CA6: variants seen among roughly 807,000 people sequenced by gnomAD.
The protein encoded by CA6 is carbonic anhydrase 6.
Under a neutral mutation model 35.9 loss-of-function variants are expected in CA6, and 28 were observed. That is an observed-to-expected ratio of 0.78 (90% CI 0.58 to 1.07). CA6 has a LOEUF of 1.07. Ranked by LOEUF, CA6 falls within the 50% of genes least tolerant of loss-of-function variation. The pLI is 0.00. For synonymous variants in CA6, 148 were observed against 152.6 expected, an observed-to-expected ratio of 0.97 and a Z score of 0.22; for missense variants, 377 against 382.0, an observed-to-expected ratio of 0.99 and a Z score of 0.11.
intron 7 of CA6, among the ~76,000 whole-genome samples, chr1:8,972,898 C>A (rs1640146002): frequency 6.6e-6 from 1 of 152,114 alleles, no homozygotes; most frequent in African/African-American, 2.4e-5. Flanking sequence ...TTACAGTAAT[C>A]ATTTCCCCAT....
Position 8,963,183 on chromosome 1 carries a change from C to A in CA6, c.571+527C>A, listed in dbSNP as rs1639887735. 6.6e-6 allele frequency among the ~76,000 whole-genome samples: 1 copy of A among 152,190 alleles called. No individual in the cohort carries two copies. The highest frequency in any genetic ancestry group is 1.5e-5 in the Non-Finnish European group (1 of 68,044). On this transcript the variant is annotated intron_variant, in intron 5 of 7. Coordinates refer to ENST00000377443, the MANE Select transcript of CA6 (RefSeq NM_001215.4). The surrounding 1 kb of genome is among the most constrained non-coding windows in gnomAD (Gnocchi z 4.1). ...CAATAGCTCTGCATCCTCGACTTCA[C>A]ACGTCCCATTCCGGCCACACCTCCC...
intron 2 of CA6, chr1:8,951,628 G>A (rs1016953673): frequency 1.3e-6 from 1 of 765,100 alleles, no homozygotes; most frequent in Non-Finnish European, 2.4e-6. Flanking sequence ...TGGAAGAGAA[G>A]AGCCCAGCTT....
Position 8,962,657 on chromosome 1 carries a change from G to T in CA6, c.571+1G>T. ...CATCTGGCCAACATCAAGTACCCAG[G>T]TAAGGGAAGCCAACTGTGGCTGCAG... On this transcript the variant is annotated splice_donor_variant, in intron 5 of 7. Transcript: ENST00000377443. LOFTEE classifies it high-confidence loss of function. 5.6e-6 allele frequency: 9 copies of T among 1,613,198 alleles called. No individual in the cohort carries two copies. Among genetic ancestry groups the T allele is most frequent in the Non-Finnish European group, 7.6e-6 (9 of 1,179,166 alleles).
intron 5 of CA6, among the ~76,000 whole-genome samples, chr1:8,964,319 C>T (rs1639917071): frequency 6.6e-6 from 1 of 152,184 alleles, no homozygotes; most frequent in Non-Finnish European, 1.5e-5. Flanking sequence ...ATGATCTCAG[C>T]TCACTACAAC....
chr1:8,973,747 T>TCTTC (rs1640178295), intron 7 of CA6, among the ~76,000 whole-genome samples: 1 of 20,156 alleles, frequency 5.0e-5, no homozygotes, highest in Non-Finnish European at 7.6e-5. Context: ...TTTCTTTCTT[T>TCTTC]CTTTCTTTCT....
chr1:8,973,758 T>TTC lies in CA6; in HGVS notation c.845-862_845-861dup, dbSNP rs1284070111. 1.7e-3 allele frequency among the ~76,000 whole-genome samples: 37 copies of TTC among 21,662 alleles called. 1 individual carries two copies. Among genetic ancestry groups the TTC allele is most frequent in the African/African-American group, 0.014 (34 of 2,442 alleles). 14.2% of individuals were successfully genotyped at this position (21,662 alleles called of 152,430 possible). ...TTTCTTTCTTTCTTTCTTTCTTTCTTTCTTTCTTTCTTTCTTTCTTTCTTT... is the reference window on the plus strand; with the variant it reads ...TTTCTTTCTTTCTTTCTTTCTTTCTTTCTCTTTCTTTCTTTCTTTCTTTCTTT... On this transcript the variant is annotated intron_variant, in intron 7 of 7. Transcript: ENST00000377443.
At chr1:8,958,888 C>G (rs760640519) in intron 3 of CA6, 22 bp from the exon 4 acceptor site, 1 of 1,338,666 alleles carries the variant, frequency 7.5e-7, no homozygotes, top group Non-Finnish European at 1.1e-6. Flanking sequence ...TGCCCTTGAC[C>G]CACTCTACCT....
chr1:8,962,100 G>C (rs1018107705), intron 4 of CA6, among the ~76,000 whole-genome samples: 1 of 152,060 alleles, frequency 6.6e-6, no homozygotes, highest in Non-Finnish European at 1.5e-5. Flanking sequence ...AAATTAGCCA[G>C]GTGTGGTGGT....
chr1:8,973,742 TTCTTTC>T, intron 7 of CA6, among the ~76,000 whole-genome samples: 1 of 19,606 alleles, frequency 5.1e-5, no homozygotes, highest in Non-Finnish European at 7.9e-5. Flanking sequence ...CTTTCTTTCT[TTCTTTC>T]TTTCTTTCTT....
intron 3 of CA6, among the ~76,000 whole-genome samples, chr1:8,958,329 G>A (rs1361398168): frequency 3.3e-5 from 5 of 151,932 alleles, no homozygotes; most frequent in African/African-American, 7.3e-5. Flanking sequence ...CACCATGGCC[G>A]GCTAATTTTT....
intron 5 of CA6, 125 bp downstream of exon 5, chr1:8,962,781 A>ATGGACTCCCTT: frequency 1.3e-6 from 1 of 780,222 alleles, no homozygotes; most frequent in Non-Finnish European, 2.2e-6. Flanking sequence ...CTGCCAAGGG[A>ATGGACTCCCTT]GTCCATCCCT....
chr1:8,960,910 C>T (rs1170868881), intron 4 of CA6, among the ~76,000 whole-genome samples: 1 of 151,938 alleles, frequency 6.6e-6, no homozygotes, highest in East Asian at 1.9e-4. Flanking sequence ...TTTATCAATC[C>T]AAGAAACTAA....
chr1:8,952,341 T>C (rs908178117), intron 2 of CA6: 18 of 151,946 alleles, frequency 1.2e-4, no homozygotes, highest in African/African-American at 4.4e-4. Context: ...TTCAGCATGT[T>C]GGCCTGGCTG....
At chr1:8,945,988 C>T (rs992783704) in intron 1 of CA6, 23 bp downstream of exon 1, 1 of 1,516,784 alleles carries the variant, frequency 6.6e-7, no homozygotes, top group South Asian at 1.1e-5. Flanking sequence ...CTTCTGCATG[C>T]TCCCCCAGTT....
intron 2 of CA6, among the ~76,000 whole-genome samples, chr1:8,953,223 C>T (rs1027160851): frequency 2.6e-5 from 4 of 152,154 alleles, no homozygotes; most frequent in African/African-American, 9.7e-5. Context: ...CATTTCTTTT[C>T]AGTGCTGAAT....
chr1:8,965,231 G>A (rs1639939196), intron 5 of CA6, among the ~76,000 whole-genome samples: 2 of 152,020 alleles, frequency 1.3e-5, no homozygotes, highest in African/African-American at 4.8e-5. Flanking sequence ...ACGACAGAGC[G>A]CAACAACATC....
At chr1:8,946,444 T>G (rs1235406935) in intron 1 of CA6, among the ~76,000 whole-genome samples, 3 of 152,232 alleles carry the variant, frequency 2.0e-5, no homozygotes, top group East Asian at 3.9e-4. Flanking sequence ...TCAGAAGGTA[T>G]GGAGAATAAG....
At chr1:8,956,531 G>C (rs1639688838) in intron 2 of CA6, among the ~76,000 whole-genome samples, 1 of 151,956 alleles carries the variant, frequency 6.6e-6, no homozygotes, top group Non-Finnish European at 1.5e-5. Context: ...ATGGTGGCGG[G>C]CACCTGTAGT....
At position 8,967,671 on chromosome 1, in the gene CA6, C is replaced by T. The variant is rs1640004140; in HGVS notation, c.584C>T (p.Thr195Ile). 3 of 1,613,860 alleles carry T rather than the reference C, an allele frequency of 1.9e-6. No homozygotes were observed. The highest frequency in any genetic ancestry group is 2.5e-6 in the Non-Finnish European group (3 of 1,179,840). Residue 195 changes from threonine to isoleucine, a missense_variant, in exon 6 of 8, where the codon ACC becomes ATC. Coordinates refer to ENST00000377443, the MANE Select transcript of CA6 (RefSeq NM_001215.4). ...ANIKYPGQRTTLTGLDVQDML... is the reference protein window; with the variant it reads ...ANIKYPGQRTILTGLDVQDML... ...TCTTCTTGGTCAGGACAAAGAACAA[C>T]CCTGACTGGCCTTGACGTTCAGGAC... is the stretch of plus-strand genomic sequence containing the variant.
Sources: gnomAD v4.1 joint callset for allele counts (sites outside exome capture counted in the v4.1 genomes callset) on GRCh38, gnomAD v4.1.1 for gene constraint, Gnocchi (gnomAD v3.1) non-coding constraint, MANE v1.5 for transcripts, NCBI Gene and HGNC (gene_info 2026-07-23, HGNC 2026-07-21) for gene names.